The following POU6F2 variants were observed in gnomAD, a reference collection of about 807,000 sequenced individuals.
The protein encoded by POU6F2 is POU domain, class 6, transcription factor 2.
Under a neutral mutation model 71.3 loss-of-function variants are expected in POU6F2, and 31 were observed. That is an observed-to-expected ratio of 0.43 (90% CI 0.33 to 0.59). The LOEUF (loss-of-function observed/expected upper bound fraction) is 0.59. Ranked by LOEUF, POU6F2 falls within the 20% of genes least tolerant of loss-of-function variation. The probability of loss-of-function intolerance (pLI) is 0.04; values close to 1 mark genes in which losing one functional copy is unlikely to be tolerated. For synonymous variants in POU6F2, 347 were observed against 355.7 expected, an observed-to-expected ratio of 0.98 and a Z score of 0.27; for missense variants, 783 against 856.8, an observed-to-expected ratio of 0.91 and a Z score of 1.07.
intron 2 of POU6F2, among the ~76,000 whole-genome samples, chr7:39,110,658 T>TA (rs1292443686): frequency 2.0e-5 from 3 of 152,202 alleles, no homozygotes; most frequent in Non-Finnish European, 4.4e-5. Context: ...CTATAGGTAT[T>TA]ATACTATTAA....
At chr7:39,061,212 G>A (rs1481557527) in intron 1 of POU6F2, among the ~76,000 whole-genome samples, 1 of 152,136 alleles carries the variant, frequency 6.6e-6, no homozygotes, top group Non-Finnish European at 1.5e-5. Flanking sequence ...ACAGGAGACA[G>A]TTGTGGTCTT....
At chr7:39,022,699 C>A (rs970121825) in intron 1 of POU6F2, among the ~76,000 whole-genome samples, 3 of 152,148 alleles carry the variant, frequency 2.0e-5, no homozygotes, top group Non-Finnish European at 4.4e-5. Context: ...GACTTTCCCC[C>A]GCTTTTTCCA....
chr7:39,070,399 ACACTTCTGCTTTTGCCTCCC>A (rs1207078894), intron 1 of POU6F2, among the ~76,000 whole-genome samples: 1 of 150,024 alleles, frequency 6.7e-6, no homozygotes, highest in Non-Finnish European at 1.5e-5. Context: ...TTTTGCCTCC[ACACTTCTGCTTTTGCCTCCC>A]CACAAAGCAG....
intron 2 of POU6F2, among the ~76,000 whole-genome samples, chr7:39,106,731 G>A (rs34792397): frequency 0.27 from 40,428 of 151,862 alleles, 5,622 homozygotes; most frequent in East Asian, 0.56. Context: ...ATCAGTAGGT[G>A]TTCACATTTT....
At chr7:39,237,236 T>C (rs967391387) in intron 4 of POU6F2, among the ~76,000 whole-genome samples, 1 of 152,212 alleles carries the variant, frequency 6.6e-6, no homozygotes, top group African/African-American at 2.4e-5. Flanking sequence ...GTCTTCTTTT[T>C]AAAAGGGTTA....
At chr7:39,367,429 C>T (rs1474401305) in intron 5 of POU6F2, among the ~76,000 whole-genome samples, 3 of 152,174 alleles carry the variant, frequency 2.0e-5, no homozygotes, top group African/African-American at 4.8e-5. Flanking sequence ...CCATCACCCT[C>T]AAACAAGTAA....
chr7:39,183,544 C>T (rs1793476315), intron 2 of POU6F2, among the ~76,000 whole-genome samples: 1 of 152,106 alleles, frequency 6.6e-6, no homozygotes, highest in Non-Finnish European at 1.5e-5. Flanking sequence ...GAAACCTGCC[C>T]CCATGATCCA....
At chr7:39,181,580 G>A (rs531433882) in intron 2 of POU6F2, among the ~76,000 whole-genome samples, 15 of 152,202 alleles carry the variant, frequency 9.9e-5, no homozygotes, top group African/African-American at 3.1e-4. Context: ...CACAACTTGC[G>A]CAACTTTGCA....
intron 2 of POU6F2, among the ~76,000 whole-genome samples, chr7:39,115,863 C>A (rs1791917953): frequency 6.6e-6 from 1 of 152,106 alleles, no homozygotes; most frequent in Non-Finnish European, 1.5e-5. Flanking sequence ...GTAGCTCTGG[C>A]AACAGCTTCT....
intron 1 of POU6F2, among the ~76,000 whole-genome samples, chr7:39,056,636 CTCTT>C (rs1196397936): frequency 2.6e-4 from 38 of 148,302 alleles, no homozygotes; most frequent in Non-Finnish European, 4.9e-4. Flanking sequence ...TTGTTTCTCT[CTCTT>C]TCTCTTTTTC....
chr7:39,207,429 C>T lies in POU6F2; in HGVS notation c.407C>T (p.Ala136Val), dbSNP rs748826034. The T allele has an allele frequency of 1.2e-6, 2 of 1,613,942 alleles. No homozygotes were observed. Among genetic ancestry groups the T allele is most frequent in the Non-Finnish European group, 1.7e-6 (2 of 1,179,858 alleles). Residue 136 changes from alanine (A) to valine (V), a missense_variant, in exon 4 of 10, where the codon GCC becomes GTC. Physicochemically the swap from Ala to Val is moderately conservative, Grantham distance 64 (BLOSUM62 0). Coordinates refer to ENST00000518318, the MANE Select transcript of POU6F2 (RefSeq NM_001370959.1). ...LTAQQLASAVAGVMPGGPPAL... is the reference protein window; with the variant it reads ...LTAQQLASAVVGVMPGGPPAL... ...GCACAGCAGTTAGCTTCTGCTGTGGCCGGCGTGATGCCGGGAGGCCCCCCA... is the reference window on the plus strand; with the variant it reads ...GCACAGCAGTTAGCTTCTGCTGTGGTCGGCGTGATGCCGGGAGGCCCCCCA...
At position 39,467,856 on chromosome 7, in the gene POU6F2, C is replaced by T. The variant is rs899227036; in HGVS notation, c.*3170C>T. ...TAAAATGCCTTTGCTCGTTTCTCTA[C>T]GCTGGACCAAAGCTCAATATTTGTA... On this transcript the variant is annotated 3_prime_UTR_variant, in exon 10 of 10. Transcript: ENST00000518318. 2.6e-5 allele frequency: 4 copies of T among 152,106 alleles called. No individual in the cohort carries two copies. Among genetic ancestry groups the T allele is most frequent in the East Asian group, 1.9e-4 (1 of 5,198 alleles). The allele number at this position is 152,106 out of a possible 1,614,324, so 9.4% of individuals were successfully genotyped here. A position where few individuals can be genotyped will look rare whatever the true frequency, so the allele number is the denominator to read the frequency against.
At chr7:39,019,699 A>G (rs1176736103) in intron 1 of POU6F2, among the ~76,000 whole-genome samples, 1 of 142,862 alleles carries the variant, frequency 7.0e-6, no homozygotes, top group Non-Finnish European at 1.5e-5. Context: ...TTTTCCATGT[A>G]GTGTTTCATC....
rs571170788 is a variant in POU6F2, at chr7:39,440,355, G to A, written c.1320+7072G>A. 6.5e-4 allele frequency among the ~76,000 whole-genome samples: 99 copies of A among 152,170 alleles called. 1 individual carries two copies. The South Asian group carries it at 7.3e-3, about 11-fold the overall frequency. ...AGGTTTGGTCTTTTGATGAAGTCCC[G>A]TATTTCTTGGAGGCTTTCTTCATTC... On this transcript the variant is annotated intron_variant, in intron 7 of 9. Coordinates refer to ENST00000518318, the MANE Select transcript of POU6F2 (RefSeq NM_001370959.1).
chr7:39,170,541 G>A (rs1397055918), intron 2 of POU6F2, among the ~76,000 whole-genome samples: 1 of 152,004 alleles, frequency 6.6e-6, no homozygotes, highest in African/African-American at 2.4e-5. Flanking sequence ...GAACAATAGA[G>A]ATATAATAGA....
At position 39,136,850 on chromosome 7, in the gene POU6F2, G is replaced by A. The variant is rs565461924; in HGVS notation, c.277+50819G>A. Among the ~76,000 whole-genome samples, 503 of 151,570 alleles carry A rather than the reference G, an allele frequency of 3.3e-3. 3 individuals carry two copies. The highest frequency in any genetic ancestry group is 6.8e-3 in the Middle Eastern group (2 of 294). ...CTTAAAAAAAAAAAAAGCCAGGTGT[G>A]GTGGTGTACGACTGTAGTCCTAGCT... is the stretch of plus-strand genomic sequence containing the variant. On this transcript the variant is annotated intron_variant, in intron 2 of 9. Transcript: ENST00000518318.
chr7:39,246,216 C>T (rs1443017858), intron 4 of POU6F2, among the ~76,000 whole-genome samples: 1 of 152,162 alleles, frequency 6.6e-6, no homozygotes, highest in Non-Finnish European at 1.5e-5. Flanking sequence ...CTGAGCCCCT[C>T]CTATGTGTCA....
chr7:39,367,155 T>A (rs965429997), intron 5 of POU6F2, among the ~76,000 whole-genome samples: 1 of 152,182 alleles, frequency 6.6e-6, no homozygotes, highest in Admixed American at 6.5e-5. Flanking sequence ...GAATTAATCT[T>A]CATTAATTTA....
In POU6F2 at chr7:39,464,746, C is replaced by A. The variant is rs1789030430; in HGVS notation, c.*60C>A. On this transcript the variant is annotated 3_prime_UTR_variant, in exon 10 of 10. Transcript: ENST00000518318. This position sits in a 1 kb window ranked among gnomAD's most constrained non-coding sequence, Gnocchi z 4.1. ...CAGAAACTAAACTCCACCCTTGGGA[C>A]TCCACAACAACAACAACAACAAAAT... The A allele has an allele frequency of 1.3e-6, 2 of 1,482,004 alleles. No individual in the cohort carries two copies. Among genetic ancestry groups the A allele is most frequent in the African/African-American group, 2.8e-5 (2 of 70,560 alleles). The allele number at this position is 1,482,004 out of a possible 1,614,324, so 91.8% of individuals were successfully genotyped here.
Sources: allele counts gnomAD v4.1 joint callset (sites outside exome capture counted in the v4.1 genomes callset), GRCh38; gene constraint gnomAD v4.1.1; non-coding constraint Gnocchi (gnomAD v3.1); transcripts MANE v1.5; gene names NCBI Gene and HGNC (gene_info 2026-07-23, HGNC 2026-07-21).